R3HDM2: variants seen among roughly 807,000 people sequenced by gnomAD.
R3HDM2 encodes the protein R3H domain-containing protein 2.
Under a neutral mutation model 124.5 loss-of-function variants are expected in R3HDM2, and 38 were observed. The ratio of observed to expected loss-of-function variants is 0.31; its 90% CI spans 0.24 to 0.40. The LOEUF (loss-of-function observed/expected upper bound fraction) is 0.40. Among genes scored for constraint, R3HDM2 ranks in the 10% least tolerant of loss-of-function variants. The probability of loss-of-function intolerance (pLI) is 1.00; values close to 1 mark genes in which losing one functional copy is unlikely to be tolerated. For synonymous variants in R3HDM2, 391 were observed against 448.0 expected (o/e 0.87, Z 1.61); for missense variants, 869 against 1,236.9 (o/e 0.70, Z 4.46).
intron 2 of R3HDM2, among the ~76,000 whole-genome samples, chr12:57,351,397 A>G (rs1006408526): frequency 9.9e-5 from 15 of 152,256 alleles, no homozygotes; most frequent in African/African-American, 3.6e-4. Context: ...AGACTAAAAA[A>G]ACAATAGTGT....
At chr12:57,390,630 G>C (rs766750163) in intron 2 of R3HDM2, among the ~76,000 whole-genome samples, 1 of 152,026 alleles carries the variant, frequency 6.6e-6, no homozygotes, top group Non-Finnish European at 1.5e-5. Context: ...CCAGGAGTTC[G>C]AGGCTGCAGT....
intron 2 of R3HDM2, among the ~76,000 whole-genome samples, chr12:57,329,055 C>CT (rs1353820387): frequency 6.6e-6 from 1 of 151,988 alleles, no homozygotes; most frequent in African/African-American, 2.4e-5. Flanking sequence ...AAAACACACA[C>CT]TAAGTATAAT....
At chr12:57,406,321 CAAA>C (rs371243114) in intron 1 of R3HDM2, among the ~76,000 whole-genome samples, 2 of 55,354 alleles carry the variant, frequency 3.6e-5, no homozygotes, top group Non-Finnish European at 3.7e-5. Flanking sequence ...AACTCCGTCT[CAAA>C]AAAAAAAAAA....
At chr12:57,317,647 AG>A (rs2055383699) in intron 2 of R3HDM2, among the ~76,000 whole-genome samples, 1 of 138,266 alleles carries the variant, frequency 7.2e-6, no homozygotes, top group African/African-American at 2.6e-5. Flanking sequence ...AAAAAAAAAA[AG>A]GGTATATTAA....
At chr12:57,317,025 G>A (rs1282300234) in intron 2 of R3HDM2, among the ~76,000 whole-genome samples, 1 of 151,720 alleles carries the variant, frequency 6.6e-6, no homozygotes, top group East Asian at 2.0e-4. Context: ...GGGATTACAG[G>A]CGTGAGACAT....
At chr12:57,325,840 G>T (rs963170840) in intron 2 of R3HDM2, among the ~76,000 whole-genome samples, 30 of 150,558 alleles carry the variant, frequency 2.0e-4, no homozygotes, top group Non-Finnish European at 4.1e-4. Flanking sequence ...ACTGTGCCTG[G>T]TTTTTTCTTT....
intron 2 of R3HDM2, among the ~76,000 whole-genome samples, chr12:57,318,063 G>A (rs2055558925): frequency 6.6e-6 from 1 of 151,240 alleles, no homozygotes; most frequent in Non-Finnish European, 1.5e-5. Flanking sequence ...GCTGAAGCGG[G>A]TGGATTACTT....
intron 2 of R3HDM2, among the ~76,000 whole-genome samples, chr12:57,383,153 C>A (rs2065148593): frequency 6.6e-6 from 1 of 151,862 alleles, no homozygotes; most frequent in Non-Finnish European, 1.5e-5. Flanking sequence ...CAGCGCCCAG[C>A]CAAAAAAAAT....
intron 1 of R3HDM2, among the ~76,000 whole-genome samples, chr12:57,425,419 T>C (rs1036060213): frequency 3.3e-5 from 5 of 152,198 alleles, no homozygotes; most frequent in Non-Finnish European, 7.3e-5. Flanking sequence ...TTAACTGTTC[T>C]CTCCTAGGCC....
At chr12:57,360,036 T>TATATAG (rs1555287262) in intron 2 of R3HDM2, among the ~76,000 whole-genome samples, 1 of 78,408 alleles carries the variant, frequency 1.3e-5, no homozygotes, top group African/African-American at 4.5e-5. Context: ...CACATATATA[T>TATATAG]ATATATATAT....
At chr12:57,312,895 C>T (rs916275158) in intron 2 of R3HDM2, among the ~76,000 whole-genome samples, 4 of 139,132 alleles carry the variant, frequency 2.9e-5, no homozygotes, top group South Asian at 4.5e-4. Flanking sequence ...CACCACTGCA[C>T]TCCAGCCTGG....
At chr12:57,348,703 A>C (rs2060309302) in intron 2 of R3HDM2, among the ~76,000 whole-genome samples, 1 of 43,178 alleles carries the variant, frequency 2.3e-5, no homozygotes, top group Admixed American at 2.2e-4. Flanking sequence ...CAAAAAAAAA[A>C]AAAAAAAAAA....
rs141650692 is a variant in R3HDM2 at position 57,280,320 on chromosome 12, C to A, written c.1344+38G>T. ...CGGTACATCTAAAGTTTGCTTGAAT[C>A]AGAGTGGAGAGGACTCTGACACTGA... On this transcript the variant is annotated intron_variant, in intron 14 of 23. Transcript: ENST00000402412. The A allele has an allele frequency of 1.8e-3, 2,878 of 1,575,196 alleles. 23 individuals carry two copies. Among genetic ancestry groups the A allele is most frequent in the Middle Eastern group, 0.013 (74 of 5,568 alleles).
intron 2 of R3HDM2, among the ~76,000 whole-genome samples, chr12:57,367,456 GCT>G (rs2062807580): frequency 6.6e-6 from 1 of 152,168 alleles, no homozygotes; most frequent in Admixed American, 6.5e-5. Flanking sequence ...AATTTCCAGA[GCT>G]CTCTTTTTCT....
chr12:57,396,419 G>A (rs894984278), intron 1 of R3HDM2, among the ~76,000 whole-genome samples: 7 of 149,598 alleles, frequency 4.7e-5, no homozygotes, highest in African/African-American at 9.9e-5. Context: ...CCAGCCTGGG[G>A]GACAGAGTGA....
chr12:57,298,050 C>A, intron 7 of R3HDM2, 40 bp downstream of exon 7: 2 of 1,440,490 alleles, frequency 1.4e-6, no homozygotes, highest in Non-Finnish European at 1.9e-6. Context: ...ATCTTGCTAT[C>A]CCCTAACCCC....
chr12:57,380,317 T>C (rs1265694005), intron 2 of R3HDM2, among the ~76,000 whole-genome samples: 1 of 152,166 alleles, frequency 6.6e-6, no homozygotes, highest in African/African-American at 2.4e-5. Flanking sequence ...CAACTAAAGG[T>C]TAAAATATTA....
At chr12:57,307,075 C>T (rs1481872941) in intron 3 of R3HDM2, among the ~76,000 whole-genome samples, 3 of 152,150 alleles carry the variant, frequency 2.0e-5, no homozygotes, top group African/African-American at 4.8e-5. Flanking sequence ...CCATTCTAAA[C>T]AGAATCTCAG....
rs532225366 is a variant in R3HDM2, at chr12:57,425,841, A to G, written c.-106+4879T>C. Among the ~76,000 whole-genome samples, 53 of 152,294 alleles carry G rather than the reference A, an allele frequency of 3.5e-4. No individual in the cohort carries two copies. The South Asian group carries it at 0.011, about 31-fold the overall frequency. ...CACTCCCTTTGCCTTCCTGAGCTAA[A>G]GAAGAGTAGCCAAACCGCCCCAAAG... On this transcript the variant is annotated intron_variant, in intron 1 of 23. Coordinates refer to ENST00000402412, the MANE Select transcript of R3HDM2 (RefSeq NM_001394031.1).
Sources: allele counts gnomAD v4.1 joint callset (sites outside exome capture counted in the v4.1 genomes callset), GRCh38; gene constraint gnomAD v4.1.1; transcripts MANE v1.5; gene names NCBI Gene and HGNC (gene_info 2026-07-23, HGNC 2026-07-21).